The following PELI2 variants were observed in gnomAD, a reference collection of about 807,000 sequenced individuals.
The protein encoded by PELI2 is pellino E3 ubiquitin protein ligase family member 2, also known as E3 ubiquitin-protein ligase pellino homolog 2.
A neutral mutation model predicts 42.3 loss-of-function variants in PELI2; 23 were observed. The ratio of observed to expected loss-of-function variants is 0.54; its 90% CI spans 0.39 to 0.77. The LOEUF is 0.77. Among genes scored for constraint, PELI2 ranks in the 30% least tolerant of loss-of-function variants. The probability of loss-of-function intolerance (pLI) is 0.00; values close to 1 mark genes in which losing one functional copy is unlikely to be tolerated. For missense variants in PELI2, 463 were observed against 553.2 expected, an observed-to-expected ratio of 0.84 and a Z score of 1.64; for synonymous variants, 245 against 212.2, an observed-to-expected ratio of 1.15 and a Z score of -1.34.
At chr14:56,174,602 T>C (rs553738107) in intron 1 of PELI2, among the ~76,000 whole-genome samples, 1 of 152,306 alleles carries the variant, frequency 6.6e-6, no homozygotes, top group South Asian at 2.1e-4. Flanking sequence ...GAATGAGTTC[T>C]CACAAGATCT....
chr14:56,217,754 C>T (rs1380257609), intron 2 of PELI2, among the ~76,000 whole-genome samples: 1 of 152,188 alleles, frequency 6.6e-6, no homozygotes, highest in Non-Finnish European at 1.5e-5. Context: ...TGACAGTCAT[C>T]TCTCTGTTCT....
intron 2 of PELI2, among the ~76,000 whole-genome samples, chr14:56,217,327 G>A (rs1886943075): frequency 6.6e-6 from 1 of 152,228 alleles, no homozygotes; most frequent in Admixed American, 6.5e-5. Flanking sequence ...CCTGTCTTCT[G>A]GGAGGGGAAT....
intron 2 of PELI2, among the ~76,000 whole-genome samples, chr14:56,222,098 A>C (rs1594653843): frequency 6.9e-6 from 1 of 145,780 alleles, no homozygotes; most frequent in Non-Finnish European, 1.5e-5. Flanking sequence ...TAGTTTTTCC[A>C]CCTCCTTTTC....
chr14:56,181,050 A>G (rs995430449), intron 2 of PELI2, among the ~76,000 whole-genome samples: 2 of 152,112 alleles, frequency 1.3e-5, no homozygotes, highest in African/African-American at 4.8e-5. Context: ...AGCTTGTAGT[A>G]CTTTAACTCT....
intron 2 of PELI2, among the ~76,000 whole-genome samples, chr14:56,224,758 T>C (rs1887278811): frequency 6.6e-6 from 1 of 152,224 alleles, no homozygotes; most frequent in Non-Finnish European, 1.5e-5. Context: ...CTTGTTGTAT[T>C]TTAACAAGGT....
chr14:56,191,671 A>G (rs1005402890), intron 2 of PELI2, among the ~76,000 whole-genome samples: 1 of 152,214 alleles, frequency 6.6e-6, no homozygotes, highest in African/African-American at 2.4e-5. Flanking sequence ...GATTAGACAG[A>G]GGCAGTGTAA....
At chr14:56,254,949 C>T (rs1888475299) in intron 2 of PELI2, among the ~76,000 whole-genome samples, 1 of 152,180 alleles carries the variant, frequency 6.6e-6, no homozygotes, top group African/African-American at 2.4e-5. Context: ...CCATCTCACA[C>T]CAGTTAGAGT....
intron 1 of PELI2, among the ~76,000 whole-genome samples, chr14:56,158,304 A>G (rs1374854687): frequency 6.6e-6 from 1 of 152,062 alleles, no homozygotes; most frequent in African/African-American, 2.4e-5. Flanking sequence ...CTAGGATTAC[A>G]GGTGTGAGCT....
At chr14:56,185,085 T>C (rs1012423083) in intron 2 of PELI2, among the ~76,000 whole-genome samples, 3 of 152,112 alleles carry the variant, frequency 2.0e-5, no homozygotes, top group Non-Finnish European at 4.4e-5. Context: ...GGTTGTTAAA[T>C]AATATCACTC....
At chr14:56,161,936 A>G (rs1884779218) in intron 1 of PELI2, among the ~76,000 whole-genome samples, 1 of 152,136 alleles carries the variant, frequency 6.6e-6, no homozygotes, top group African/African-American at 2.4e-5. Context: ...AAACCTACGT[A>G]CTTTGTAAGA....
chr14:56,251,127 A>C (rs1302877463), intron 2 of PELI2, among the ~76,000 whole-genome samples: 1 of 152,192 alleles, frequency 6.6e-6, no homozygotes. Context: ...TGGGCCAAAG[A>C]AAGTTCTCTG....
chr14:56,118,420 T>TGCC lies in PELI2; in HGVS notation c.-239_-237dup, dbSNP rs1323893954. On this transcript the variant is annotated 5_prime_UTR_variant, in exon 1 of 6. Transcript: ENST00000267460. ...CCCCCTGCTGCCGGGTCCCATTTGTTGCCGGCTCTGACTCGGGGCGGCCGC... is the reference window on the plus strand; with the variant it reads ...CCCCCTGCTGCCGGGTCCCATTTGTTGCCGCCGGCTCTGACTCGGGGCGGCCGC... The TGCC allele has an allele frequency of 7.1e-6, 2 of 281,652 alleles. No individual in the cohort carries two copies. Among genetic ancestry groups the TGCC allele is most frequent in the Non-Finnish European group, 1.3e-5 (2 of 152,510 alleles). The allele number at this position is 281,652 out of a possible 1,614,324, so 17.4% of individuals were successfully genotyped here. A position where few individuals can be genotyped will look rare whatever the true frequency, so the allele number is the denominator to read the frequency against.
intron 1 of PELI2, among the ~76,000 whole-genome samples, chr14:56,143,101 A>T (rs1595552279): frequency 6.6e-6 from 1 of 151,948 alleles, no homozygotes; most frequent in South Asian, 2.1e-4. Context: ...ATTGGTTGTC[A>T]TGTCTCCTTA....
At chr14:56,227,685 G>A (rs190082777) in intron 2 of PELI2, among the ~76,000 whole-genome samples, 84 of 152,310 alleles carry the variant, frequency 5.5e-4, no homozygotes, top group African/African-American at 1.9e-3. Context: ...TAAGTACAGC[G>A]GACATCCAGA....
intron 2 of PELI2, among the ~76,000 whole-genome samples, chr14:56,275,241 A>C (rs776468456): frequency 1.3e-5 from 2 of 152,120 alleles, no homozygotes; most frequent in African/African-American, 2.4e-5. Context: ...AGAGAAGTGA[A>C]TATAGGAAAT....
intron 2 of PELI2, among the ~76,000 whole-genome samples, chr14:56,210,570 T>C (rs139376899): frequency 2.0e-5 from 3 of 152,298 alleles, no homozygotes; most frequent in African/African-American, 4.8e-5. Context: ...CAGGAGTTTG[T>C]GATCCCATTA....
intron 1 of PELI2, among the ~76,000 whole-genome samples, chr14:56,158,628 T>A (rs1291893700): frequency 1.3e-5 from 2 of 152,242 alleles, no homozygotes; most frequent in African/African-American, 4.8e-5. Flanking sequence ...GTGCTGGGAC[T>A]ACAGGTGTGA....
intron 2 of PELI2, among the ~76,000 whole-genome samples, chr14:56,206,240 G>A (rs534464990): frequency 7.2e-5 from 11 of 152,304 alleles, no homozygotes; most frequent in African/African-American, 2.4e-4. Context: ...AAAGAGATGT[G>A]TTGTGACTTG....
chr14:56,211,625 A>T (rs925338365), intron 2 of PELI2, among the ~76,000 whole-genome samples: 4 of 152,248 alleles, frequency 2.6e-5, no homozygotes, highest in Admixed American at 2.0e-4. Flanking sequence ...TGGGGTGGAT[A>T]GATGGGTGAA....
Sources: gnomAD v4.1 joint callset for allele counts (sites outside exome capture counted in the v4.1 genomes callset) on GRCh38, gnomAD v4.1.1 for gene constraint, MANE v1.5 for transcripts, NCBI Gene and HGNC (gene_info 2026-07-23, HGNC 2026-07-21) for gene names.